The following SPATA31C2 variants were observed in gnomAD, a reference collection of about 807,000 sequenced individuals.
The protein encoded by SPATA31C2 is spermatogenesis-associated protein 31C2.
SPATA31C2 carries 5 observed loss-of-function variants against 11.4 expected under a neutral mutation model. The ratio of observed to expected loss-of-function variants is 0.44; its 90% CI spans 0.23 to 0.92. The LOEUF (loss-of-function observed/expected upper bound fraction) is 0.92, where lower values mean the gene tolerates loss of function less well. Ranked by LOEUF, SPATA31C2 falls within the 40% of genes least tolerant of loss-of-function variation. The probability of loss-of-function intolerance (pLI) is 0.24; values close to 1 mark genes in which losing one functional copy is unlikely to be tolerated. For missense variants in SPATA31C2, 1,353 were observed against 1,368.6 expected (o/e 0.99, Z 0.18); for synonymous variants, 515 against 538.7 (o/e 0.96, Z 0.61).
chr9:88,136,485 C>T (rs1467068318), intron 1 of SPATA31C2, among the ~76,000 whole-genome samples: 1 of 146,066 alleles, frequency 6.8e-6, no homozygotes, highest in African/African-American at 2.5e-5. Context: ...TTGCACTTTT[C>T]TTCCAGTTTT....
In SPATA31C2 at chr9:88,132,106, G is replaced by T; in HGVS notation, c.931C>A (p.Gln311Lys). The change falls in exon 4 of 4, where the codon CAA becomes AAA. Residue 311 changes from glutamine to lysine, a missense_variant. Around this residue, in one of 6 missense-constraint regions of SPATA31C2, gnomAD observed 1,075 missense variants for 992.8 expected, o/e 1.08. Transcript: ENST00000324915. ...AGTGGGGACATTGTAGTGTCCCTTT[G>T]GCGGGAAAGATGATCTTGCTGGACT... ...SSVQQDHLSR[Q>K]RDTTMSPLLF... 3.1e-6 allele frequency: 5 copies of T among 1,610,674 alleles called. No individual in the cohort carries two copies. In the Admixed American group the frequency reaches 8.4e-5, roughly 27 times the overall value.
intron 3 of SPATA31C2, 80 bp downstream of exon 3, chr9:88,132,886 G>A: frequency 7.5e-7 from 1 of 1,332,330 alleles, no homozygotes; most frequent in Non-Finnish European, 1.0e-6. Flanking sequence ...TCCATCCCAG[G>A]TCAGCTCCAG....
Position 88,132,012 on chromosome 9 carries a change from T to A in SPATA31C2, c.1025A>T (p.Gln342Leu). 6.2e-7 allele frequency: 1 copy of A among 1,610,820 alleles called. No homozygotes were observed. The highest frequency in any genetic ancestry group is 2.2e-5 in the East Asian group (1 of 44,702). Residue 342 changes from glutamine to leucine, a missense_variant, in exon 4 of 4, where the codon CAA (glutamine) becomes CTA (leucine). This residue lies in a region of SPATA31C2 where 1,075 missense variants were observed against 992.8 expected (regional missense o/e 1.08). Transcript: ENST00000324915. ...ESQPFISSTPQFWPTPMAQAE... is the reference protein window; with the variant it reads ...ESQPFISSTPLFWPTPMAQAE... ...CTGAGCCATAGGTGTGGGCCAGAAT[T>A]GGGGTGTGGATGAAATAAAGGGTTG...
intron 2 of SPATA31C2, 105 bp downstream of exon 2, chr9:88,133,489 C>T: frequency 6.8e-7 from 1 of 1,473,456 alleles, no homozygotes; most frequent in Non-Finnish European, 9.2e-7. Flanking sequence ...GATTTCCTTC[C>T]TAGGAGCCCC....
Position 88,133,660 on chromosome 9 carries a change from C to G in SPATA31C2, c.199G>C (p.Val67Leu), listed in dbSNP as rs769284315. Residue 67 changes from valine (V) to leucine (L), a missense_variant, in exon 2 of 4, where the codon GTC (valine) becomes CTC (leucine). This residue lies in a region of SPATA31C2 where 67 missense variants were observed against 41.4 expected (regional missense o/e 1.62). Transcript: ENST00000324915. ...CTCCGCCCTGCTGGACGCTGGGAGA[C>G]AAGATGACGCTGGGAGACAAGAAAT... ...PSPRKRKRHLVSQRPAGRRGR... is the reference protein window; with the variant it reads ...PSPRKRKRHLLSQRPAGRRGR... 1.3e-6 allele frequency: 2 copies of G among 1,596,224 alleles called. No individual in the cohort carries two copies. The highest frequency in any genetic ancestry group is 1.7e-6 in the Non-Finnish European group (2 of 1,166,078).
At chr9:88,134,508 G>T (rs1388816022) in intron 1 of SPATA31C2, among the ~76,000 whole-genome samples, 1 of 149,478 alleles carries the variant, frequency 6.7e-6, no homozygotes, top group African/African-American at 2.4e-5. Flanking sequence ...GGTCCTGGCC[G>T]CTGAGCCCAC....
At chr9:88,133,721 C>T (rs1392525188) in intron 1 of SPATA31C2, 52 bp from the exon 2 acceptor site, 1 of 1,412,870 alleles carries the variant, frequency 7.1e-7, no homozygotes, top group Admixed American at 2.1e-5. Context: ...CTCTCTGCCC[C>T]CAGCCCAGCC....
chr9:88,133,960 C>T (rs1294480261), intron 1 of SPATA31C2, among the ~76,000 whole-genome samples: 3 of 152,102 alleles, frequency 2.0e-5, no homozygotes, highest in Non-Finnish European at 2.9e-5. Context: ...AGTTTGAGAC[C>T]AGCCTAGCCA....
rs182068489 is a variant in SPATA31C2 at position 88,132,726 on chromosome 9, G to A, written c.327-16C>T. ...CCCCAGGAGGCTGCAGGAGACAGGA[G>A]GCACAAGCTGCAGCCAGGAGCAGAT... On this transcript the variant is annotated splice_polypyrimidine_tract_variant and intron_variant, in intron 3 of 3. Coordinates refer to ENST00000324915, the MANE Select transcript of SPATA31C2 (RefSeq NM_001350978.3). 1.3e-6 allele frequency: 2 copies of A among 1,592,880 alleles called. No individual in the cohort carries two copies. Among genetic ancestry groups the A allele is most frequent in the Admixed American group, 1.7e-5 (1 of 57,148 alleles).
intron 1 of SPATA31C2, among the ~76,000 whole-genome samples, chr9:88,133,964 C>A (rs1397145944): frequency 6.6e-6 from 1 of 152,120 alleles, no homozygotes; most frequent in Non-Finnish European, 1.5e-5. Context: ...TGAGACCAGC[C>A]TAGCCATGGT....
At position 88,133,588 on chromosome 9, in the gene SPATA31C2, C is replaced by A. The variant is rs370881319; in HGVS notation, c.265+6G>T. ...TTAACTCTAGTGTGCCCTGGCAGAGCCTTACCTCTCAGACTGTGGTTTTTC... is the reference window on the plus strand; with the variant it reads ...TTAACTCTAGTGTGCCCTGGCAGAGACTTACCTCTCAGACTGTGGTTTTTC... On this transcript the variant is annotated splice_donor_region_variant and intron_variant, in intron 2 of 3. Transcript: ENST00000324915. 1.3e-6 allele frequency: 2 copies of A among 1,581,320 alleles called. No individual in the cohort carries two copies. Among genetic ancestry groups the A allele is most frequent in the Admixed American group, 1.7e-5 (1 of 58,372 alleles).
rs1825616611 is a variant in SPATA31C2, at chr9:88,132,459, G to C, written c.578C>G (p.Pro193Arg). 3.7e-6 allele frequency: 6 copies of C among 1,611,332 alleles called. No individual in the cohort carries two copies. The highest frequency in any genetic ancestry group is 5.1e-6 in the Non-Finnish European group (6 of 1,178,134). Residue 193 changes from proline (P) to arginine (R), a missense_variant, in exon 4 of 4, where the codon CCA becomes CGA. Physicochemically the swap from Pro to Arg is moderately radical, Grantham distance 103. Transcript: ENST00000324915. ...ATGTTCTAGGAGAAGGGAAGGTTCT[G>C]GTGGCTGGGAGGCACTTAGGGAGGA... ...SVSSLSASQP[P>R]EPSLLLEHPS...
At position 88,130,308 on chromosome 9, in the gene SPATA31C2, C is replaced by T. The variant is rs754388261; in HGVS notation, c.2729G>A (p.Gly910Glu). The T allele has an allele frequency of 6.8e-6, 11 of 1,608,704 alleles. No homozygotes were observed. The highest frequency in any genetic ancestry group is 8.5e-6 in the Non-Finnish European group (10 of 1,179,058). ...PQGHLQSMPT[G>E]NMQASQELCD... ...TAGCTCCTGGGAAGCCTGCATGTTC[C>T]CAGTAGGCATGCTCTGGAGATGGCC... is the stretch of plus-strand genomic sequence containing the variant. The change falls in exon 4 of 4, where the codon GGG becomes GAG. Residue 910 changes from glycine to glutamate, a missense_variant. Transcript: ENST00000324915.
rs369557440 is a variant in SPATA31C2, at chr9:88,129,798, T to A, written c.3239A>T (p.Gln1080Leu). Residue 1080 changes from glutamine (Q) to leucine (L), a missense_variant, in exon 4 of 4, where the codon CAG (glutamine) becomes CTG (leucine). Physicochemically the swap from Gln to Leu is moderately radical, Grantham distance 113 (BLOSUM62 -2). Around this residue, in one of 6 missense-constraint regions of SPATA31C2, gnomAD observed 187 missense variants for 205.8 expected, o/e 0.91. Coordinates refer to ENST00000324915, the MANE Select transcript of SPATA31C2 (RefSeq NM_001350978.3). ...CHARHASKVNQQRQQFQAPVC... is the reference protein window; with the variant it reads ...CHARHASKVNLQRQQFQAPVC... The stretch of plus-strand genomic sequence containing the variant: ...TGGGGCTTGAAACTGCTGTCTTTGC[T>A]GATTTACCTTCGAGGCATGGCGCGC... 1.7e-3 allele frequency: 2,796 copies of A among 1,604,318 alleles called. 39 individuals carry two copies. In the African/African-American group the frequency reaches 0.033, roughly 19 times the overall value.
rs2118706339 is a variant in SPATA31C2 at position 88,130,947 on chromosome 9, GC to G, written c.2089del (p.Ala697LeufsTer19). ...CGTGGCCACCTCAACTTTTGAGCCA[GC>G]CCCAGATTCGCAGGTGTCTGAGGAG... The part of the protein sequence containing the change: ...GPSSDTCESG[A>X]GSKVEVATFL... On this transcript the variant is annotated frameshift_variant, in exon 4 of 4. Coordinates refer to ENST00000324915, the MANE Select transcript of SPATA31C2 (RefSeq NM_001350978.3). LOFTEE classifies it low-confidence loss of function (END_TRUNC). 1 of 1,613,296 alleles carries G rather than the reference GC, an allele frequency of 6.2e-7. No homozygotes were observed. The highest frequency in any genetic ancestry group is 2.2e-5 in the East Asian group (1 of 44,880).
At chr9:88,134,124 C>T (rs1341216819) in intron 1 of SPATA31C2, among the ~76,000 whole-genome samples, 1 of 149,286 alleles carries the variant, frequency 6.7e-6, no homozygotes, top group Admixed American at 6.7e-5. Context: ...CATTTCACTG[C>T]AGCCTGCACA....
rs755157391 is a variant in SPATA31C2, at chr9:88,131,905, C to T, written c.1132G>A (p.Ala378Thr). ...FLSPMKNTGV[A>T]CPASQNKVQA... The stretch of plus-strand genomic sequence containing the variant: ...ACTTTATTCTGCGACGCAGGGCAAG[C>T]TACTCCAGTGTTCTTCATCGGGGAT... Residue 378 changes from alanine (A) to threonine (T), a missense_variant, in exon 4 of 4, where the codon GCT (alanine) becomes ACT (threonine). Physicochemically the swap from Ala to Thr is moderately conservative, Grantham distance 58 (BLOSUM62 0). Around this residue, in one of 6 missense-constraint regions of SPATA31C2, gnomAD observed 1,075 missense variants for 992.8 expected, o/e 1.08. Coordinates refer to ENST00000324915, the MANE Select transcript of SPATA31C2 (RefSeq NM_001350978.3). The T allele has an allele frequency of 3.1e-6, 5 of 1,610,330 alleles. No individual in the cohort carries two copies. The highest frequency in any genetic ancestry group is 4.2e-6 in the Non-Finnish European group (5 of 1,178,540).
chr9:88,134,562 G>A (rs1825654255), intron 1 of SPATA31C2, among the ~76,000 whole-genome samples: 1 of 144,286 alleles, frequency 6.9e-6, no homozygotes, highest in Non-Finnish European at 1.5e-5. Flanking sequence ...CCCCACAGAT[G>A]GACTGAGAGC....
Position 88,129,695 on chromosome 9 carries a change from A to C in SPATA31C2, c.3342T>G (p.Ser1114Arg), listed in dbSNP as rs770060703. 8.1e-6 allele frequency: 13 copies of C among 1,603,514 alleles called. No homozygotes were observed. In the Admixed American group the frequency reaches 1.2e-4, roughly 15 times the overall value. ...TCTGGTTCTTGAGAGTGGCTTGTTG[A>C]CTGCTGGCTGCATAGCTCAGCATTC... ...HSRMLSYAAS[S>R]QQATLKNQSR... The change falls in exon 4 of 4, where the codon AGT (serine) becomes AGG (arginine). Residue 1114 changes from serine to arginine, a missense_variant. Physicochemically the swap from Ser to Arg is moderately radical, Grantham distance 110. Coordinates refer to ENST00000324915, the MANE Select transcript of SPATA31C2 (RefSeq NM_001350978.3).
Sources: allele counts gnomAD v4.1 joint callset (sites outside exome capture counted in the v4.1 genomes callset), GRCh38; gene constraint gnomAD v4.1.1; regional missense constraint gnomAD v4.1.1; transcripts MANE v1.5; gene names NCBI Gene and HGNC (gene_info 2026-07-23, HGNC 2026-07-21).